The following EIF3A variants were observed in gnomAD, a reference collection of about 807,000 sequenced individuals.
EIF3A encodes EIF3, p180 subunit.
EIF3A carries 21 observed loss-of-function variants against 186.6 expected under a neutral mutation model. The ratio of observed to expected loss-of-function variants is 0.11; its 90% confidence interval spans 0.08 to 0.16. The LOEUF (loss-of-function observed/expected upper bound fraction) is 0.16, where lower values mean the gene tolerates loss of function less well. Ranked by LOEUF, EIF3A falls within the 10% of genes least tolerant of loss-of-function variation. The pLI is 1.00. For synonymous variants in EIF3A, 563 were observed against 584.3 expected, an observed-to-expected ratio of 0.96 and a Z score of 0.52; for missense variants, 1,306 against 1,796.3, an observed-to-expected ratio of 0.73 and a Z score of 4.93.
In EIF3A at chr10:119,059,434, G is replaced by A. The variant is rs756160469; in HGVS notation, c.1444-37C>T. 5.5e-6 allele frequency: 8 copies of A among 1,458,846 alleles called. No individual in the cohort carries two copies. In the Admixed American group the frequency reaches 1.7e-4, roughly 31 times the overall value. The allele number at this position is 1,458,846 out of a possible 1,614,324, so 90.4% of individuals were successfully genotyped here. A position where few individuals can be genotyped will look rare whatever the true frequency, so the allele number is the denominator to read the frequency against. On this transcript the variant is annotated intron_variant, in intron 10 of 21. Coordinates refer to ENST00000369144, the MANE Select transcript of EIF3A (RefSeq NM_003750.4). ...AAATTATCAATGGTTAAATCCACAAGTAAGCATGAAGTCAAAAAGTAACAG... is the reference window on the plus strand; with the variant it reads ...AAATTATCAATGGTTAAATCCACAAATAAGCATGAAGTCAAAAAGTAACAG...
intron 14 of EIF3A, among the ~76,000 whole-genome samples, chr10:119,055,116 G>A (rs1171024194): frequency 1.3e-5 from 2 of 152,142 alleles, no homozygotes; most frequent in Non-Finnish European, 2.9e-5. Context: ...GCTGCGGCCA[G>A]AGAATCACTT....
intron 17 of EIF3A, among the ~76,000 whole-genome samples, chr10:119,045,973 A>G (rs746456288): frequency 2.0e-5 from 3 of 152,196 alleles, no homozygotes; most frequent in Admixed American, 2.0e-4. Context: ...AGTAAAAGAA[A>G]CATTAAAGAT....
chr10:119,073,981 AAG>A (rs764300662), intron 1 of EIF3A, 44 bp from the exon 2 acceptor site: 6 of 1,467,964 alleles, frequency 4.1e-6, no homozygotes, highest in Non-Finnish European at 5.5e-6. Flanking sequence ...TACACTATAC[AAG>A]AGTCTAAACT....
At chr10:119,073,148 A>C in intron 3 of EIF3A, 95 bp from the exon 4 acceptor site, 2 of 1,221,030 alleles carry the variant, frequency 1.6e-6, no homozygotes, top group Non-Finnish European at 2.3e-6. Context: ...AAACAGTGCA[A>C]ATTCTTCCCA....
chr10:119,040,539 G>C (rs1303454141), intron 19 of EIF3A, among the ~76,000 whole-genome samples: 2 of 152,196 alleles, frequency 1.3e-5, no homozygotes, highest in African/African-American at 2.4e-5. Context: ...GCTATATGCA[G>C]TAAGCAGCTG....
At chr10:119,057,864 C>A in intron 12 of EIF3A, 92 bp downstream of exon 12, 2 of 975,052 alleles carry the variant, frequency 2.1e-6, no homozygotes, top group Non-Finnish European at 1.5e-6. Flanking sequence ...ATGAAATAAC[C>A]CAGTAAGCCA....
chr10:119,037,070 C>T lies in EIF3A; in HGVS notation c.3919+49G>A, dbSNP rs371673493. ...ATTAAATAACCCAAATCCCCCCCCC[C>T]CCAGAAACGACAGTTCTCCAATACT... On this transcript the variant is annotated intron_variant, in intron 21 of 21. Transcript: ENST00000369144. 2.6e-5 allele frequency: 26 copies of T among 996,630 alleles called. 6 individuals carry two copies. Among genetic ancestry groups the T allele is most frequent in the Non-Finnish European group, 3.5e-5 (25 of 709,416 alleles). 61.7% of individuals were successfully genotyped at this position (996,630 alleles called of 1,614,324 possible).
At chr10:119,070,835 A>C in intron 5 of EIF3A, 51 bp downstream of exon 5, 1 of 1,317,874 alleles carries the variant, frequency 7.6e-7, no homozygotes, top group South Asian at 1.2e-5. Flanking sequence ...GGGGGAGAAA[A>C]GTAACACAGA....
At chr10:119,062,309 C>T (rs1843901449) in intron 7 of EIF3A, among the ~76,000 whole-genome samples, 2 of 152,182 alleles carry the variant, frequency 1.3e-5, no homozygotes, top group African/African-American at 4.8e-5. Flanking sequence ...CCATAATCTA[C>T]TAAATTATAT....
chr10:119,078,712 C>A (rs568338072), intron 1 of EIF3A, among the ~76,000 whole-genome samples: 2 of 152,166 alleles, frequency 1.3e-5, no homozygotes, highest in African/African-American at 4.8e-5. Flanking sequence ...AGTTTCCCCC[C>A]CAGTGTCCCT....
At chr10:119,036,550 G>C (rs556938370) in intron 21 of EIF3A, among the ~76,000 whole-genome samples, 36 of 152,080 alleles carry the variant, frequency 2.4e-4, no homozygotes, top group Admixed American at 2.4e-3. Context: ...CGTAAGACAA[G>C]GTGGCAAAAA....
intron 7 of EIF3A, among the ~76,000 whole-genome samples, chr10:119,064,953 A>G (rs1351282385): frequency 6.6e-6 from 1 of 151,896 alleles, no homozygotes; most frequent in Non-Finnish European, 1.5e-5. Context: ...CAGGTGATCC[A>G]CCTACCTCAG....
chr10:119,074,529 A>G (rs1283383377), intron 1 of EIF3A, among the ~76,000 whole-genome samples: 3 of 152,162 alleles, frequency 2.0e-5, no homozygotes, highest in Non-Finnish European at 4.4e-5. Flanking sequence ...ACCAATAAAA[A>G]TCAACATGGG....
chr10:119,078,466 A>G (rs756725850), intron 1 of EIF3A, among the ~76,000 whole-genome samples: 1 of 152,228 alleles, frequency 6.6e-6, no homozygotes, highest in Non-Finnish European at 1.5e-5. Flanking sequence ...TTACATGTAA[A>G]ACATTTAGAT....
intron 6 of EIF3A, 56 bp downstream of exon 6, chr10:119,069,390 A>G: frequency 1.1e-6 from 1 of 885,162 alleles, no homozygotes; most frequent in South Asian, 1.4e-5. Context: ...ACCATGTCAT[A>G]TAATAGACGA....
At position 119,057,059 on chromosome 10, in the gene EIF3A, G is replaced by C. The variant is rs1207676981; in HGVS notation, c.1978-19C>G. 1 of 1,443,992 alleles carries C rather than the reference G, an allele frequency of 6.9e-7. No individual in the cohort carries two copies. The highest frequency in any genetic ancestry group is 9.6e-7 in the Non-Finnish European group (1 of 1,040,624). The allele number at this position is 1,443,992 out of a possible 1,614,324, so 89.4% of individuals were successfully genotyped here. On this transcript the variant is annotated intron_variant, in intron 12 of 21. Coordinates refer to ENST00000369144, the MANE Select transcript of EIF3A (RefSeq NM_003750.4). Reference sequence around the variant, plus strand: ...CAAGGTCCTGAAAGGTAATACAAATGCACAATTGTTAATAAAGAGAAACAA... The same window carrying C: ...CAAGGTCCTGAAAGGTAATACAAATCCACAATTGTTAATAAAGAGAAACAA...
rs1360285001 is a variant in EIF3A at position 119,042,339 on chromosome 10, G to A, written c.3181C>T (p.Arg1061Cys). ...GGACCCCGGTCATCATCAGCATTACGCCAGGATGATCGCTCATCATCAGCG... is the reference window on the plus strand; with the variant it reads ...GGACCCCGGTCATCATCAGCATTACACCAGGATGATCGCTCATCATCAGCG... ...GGADDERSSWRNADDDRGPRR... is the reference protein window; with the variant it reads ...GGADDERSSWCNADDDRGPRR... The change falls in exon 19 of 22, where the codon CGT becomes TGT. Residue 1061 changes from arginine (R) to cysteine (C), a missense_variant. Arg to Cys is a radical substitution (Grantham distance 180, BLOSUM62 -3). Coordinates refer to ENST00000369144, the MANE Select transcript of EIF3A (RefSeq NM_003750.4). The surrounding 1 kb of genome is among the most constrained non-coding windows in gnomAD (Gnocchi z 7.8). 4.3e-6 allele frequency: 7 copies of A among 1,612,834 alleles called. No homozygotes were observed. The highest frequency in any genetic ancestry group is 5.1e-6 in the Non-Finnish European group (6 of 1,179,720).
Position 119,057,946 on chromosome 10 carries a change from T to C in EIF3A, c.1977+10A>G. On this transcript the variant is annotated intron_variant, in intron 12 of 21. Transcript: ENST00000369144. Reference sequence around the variant, plus strand: ...AAAACTAATTTTTTAATAACTAAGATGCTACGTACTTCAATATCAATATCT... The same window carrying C: ...AAAACTAATTTTTTAATAACTAAGACGCTACGTACTTCAATATCAATATCT... The C allele has an allele frequency of 1.2e-6, 2 of 1,601,806 alleles. No individual in the cohort carries two copies. The highest frequency in any genetic ancestry group is 2.2e-5 in the East Asian group (1 of 44,808).
chr10:119,049,138 C>A lies in EIF3A; in HGVS notation c.2658+663G>T, dbSNP rs542789891. Among the ~76,000 whole-genome samples, 22 of 152,230 alleles carry A rather than the reference C, an allele frequency of 1.4e-4. No individual in the cohort carries two copies. The South Asian group carries it at 4.0e-3, about 27-fold the overall frequency. The stretch of plus-strand genomic sequence containing the variant: ...CTTCCCCCCTTAGGTGCCTTCTGTT[C>A]TTTGGGAAAACTACCACATTAAAAA... On this transcript the variant is annotated intron_variant, in intron 17 of 21. Coordinates refer to ENST00000369144, the MANE Select transcript of EIF3A (RefSeq NM_003750.4).
Sources: allele counts gnomAD v4.1 joint callset (sites outside exome capture counted in the v4.1 genomes callset), GRCh38; gene constraint gnomAD v4.1.1; non-coding constraint Gnocchi (gnomAD v3.1); transcripts MANE v1.5; gene names NCBI Gene and HGNC (gene_info 2026-07-23, HGNC 2026-07-21).